FBXW10B: variants seen among roughly 807,000 people sequenced by gnomAD.
FBXW10B encodes F-box and WD repeat domain containing protein 10B.
chr17:15,596,703 A>T, the FBXW10B span: 2 of 1,588,598 alleles, frequency 1.3e-6, no homozygotes, highest in Non-Finnish European at 1.7e-6. Context: ...GGAGTGGGGA[A>T]AAAGGGGGAA....
chr17:15,617,842 T>A, the FBXW10B span, among the ~76,000 whole-genome samples: 3 of 152,136 alleles, frequency 2.0e-5, no homozygotes, highest in African/African-American at 7.2e-5. Flanking sequence ...TCCTTAGAAA[T>A]TTCCTTATAA....
the FBXW10B span, among the ~76,000 whole-genome samples, chr17:15,604,168 T>C: frequency 6.6e-6 from 1 of 151,272 alleles, no homozygotes; most frequent in Admixed American, 6.6e-5. Context: ...TCCAATTTAA[T>C]ACAGTATCTC....
chr17:15,569,786 G>C, the FBXW10B span, among the ~76,000 whole-genome samples: 749 of 152,084 alleles, frequency 4.9e-3, 8 homozygotes, highest in African/African-American at 0.017. Context: ...TGTTGCCCAG[G>C]CTGGTCTCAA....
chr17:15,580,591 A>G, the FBXW10B span, among the ~76,000 whole-genome samples: 69 of 110,880 alleles, frequency 6.2e-4, no homozygotes, highest in Non-Finnish European at 1.4e-3. Context: ...CAGGGGAAAC[A>G]ATTTATGGCA....
chr17:15,576,771 GAGAGGATAAATTAAAA>G, the FBXW10B span, among the ~76,000 whole-genome samples: 1 of 150,962 alleles, frequency 6.6e-6, no homozygotes, highest in Non-Finnish European at 1.5e-5. Flanking sequence ...AGGTTATTTA[GAGAGGATAAATTAAAA>G]CACTTGGAAT....
chr17:15,594,326 G>C, the FBXW10B span, among the ~76,000 whole-genome samples: 1 of 151,870 alleles, frequency 6.6e-6, no homozygotes, highest in African/African-American at 2.4e-5. Flanking sequence ...CAAAAAATTA[G>C]CTGGGTGTGG....
the FBXW10B span, among the ~76,000 whole-genome samples, chr17:15,582,165 G>A: frequency 2.7e-5 from 4 of 146,706 alleles, no homozygotes; most frequent in Non-Finnish European, 6.0e-5. Context: ...GATGGTTTTT[G>A]TTTTTTTAAT....
the FBXW10B span, among the ~76,000 whole-genome samples, chr17:15,590,883 C>T: frequency 1.3e-5 from 2 of 152,216 alleles, no homozygotes. Context: ...AGTGCCTGAA[C>T]CCTATTCAAC....
At chr17:15,577,894 C>T in the FBXW10B span, among the ~76,000 whole-genome samples, 1 of 151,654 alleles carries the variant, frequency 6.6e-6, no homozygotes, top group African/African-American at 2.4e-5. Flanking sequence ...ATGGCAGCAG[C>T]TCATGTTAGC....
At chr17:15,593,345 C>T in the FBXW10B span, 1 of 1,614,054 alleles carries the variant, frequency 6.2e-7, no homozygotes, top group Non-Finnish European at 8.5e-7. Flanking sequence ...ACCTGTTGCC[C>T]TGAATAAAGA....
chr17:15,599,719 C>T, the FBXW10B span, among the ~76,000 whole-genome samples: 2 of 151,846 alleles, frequency 1.3e-5, no homozygotes, highest in Non-Finnish European at 2.9e-5. Context: ...AGAACACTTG[C>T]CCAAGGTCTC....
At chr17:15,617,371 C>A in the FBXW10B span, among the ~76,000 whole-genome samples, 392 of 152,184 alleles carry the variant, frequency 2.6e-3, no homozygotes, top group African/African-American at 9.1e-3. Flanking sequence ...TCCATGTGAC[C>A]ACCCCCTCCC....
the FBXW10B span, chr17:15,613,539 G>A: frequency 4.0e-6 from 5 of 1,234,842 alleles, no homozygotes; most frequent in South Asian, 7.6e-5. Flanking sequence ...TTACTGAAAG[G>A]TCCACAGTCA....
the FBXW10B span, among the ~76,000 whole-genome samples, chr17:15,583,527 T>G: frequency 2.1e-5 from 3 of 144,922 alleles, 1 homozygote; most frequent in Admixed American, 7.5e-5. Flanking sequence ...ACAGTTGTTT[T>G]GGTTTCAGGG....
chr17:15,592,231 TC>T, the FBXW10B span, among the ~76,000 whole-genome samples: 2 of 151,742 alleles, frequency 1.3e-5, no homozygotes, highest in East Asian at 3.9e-4. Context: ...CTTTTAGACT[TC>T]CGTTCACTCA....
chr17:15,570,731 G>A, the FBXW10B span, among the ~76,000 whole-genome samples: 6 of 152,238 alleles, frequency 3.9e-5, no homozygotes, highest in South Asian at 8.3e-4. Context: ...AGTAAATCTA[G>A]CAAGGGTATA....
chr17:15,585,531 G>A, the FBXW10B span, among the ~76,000 whole-genome samples: 2 of 152,210 alleles, frequency 1.3e-5, no homozygotes, highest in East Asian at 3.9e-4. Flanking sequence ...TTAAGATTAG[G>A]AAACAAAAAG....
At chr17:15,596,836 A>C in the FBXW10B span, 6 of 349,736 alleles carry the variant, frequency 1.7e-5, no homozygotes, top group South Asian at 1.2e-4. Context: ...GCTCACCAAC[A>C]GCTCATGTGC....
At chr17:15,610,245 A>C in the FBXW10B span, among the ~76,000 whole-genome samples, 2 of 152,160 alleles carry the variant, frequency 1.3e-5, no homozygotes, top group African/African-American at 4.8e-5. Flanking sequence ...GGTTTATTTC[A>C]AATCTGGGAG....
Sources: gnomAD v4.1 joint callset for allele counts (sites outside exome capture counted in the v4.1 genomes callset) on GRCh38, gnomAD v4.1.1 for gene constraint, MANE v1.5 for transcripts, NCBI Gene and HGNC (gene_info 2026-07-23, HGNC 2026-07-21) for gene names.